The following KANSL1 variants were observed in gnomAD, a reference collection of about 807,000 sequenced individuals.
KANSL1 encodes the protein MLL1/MLL complex subunit KANSL1.
In KANSL1, 22 loss-of-function variants were observed where a neutral mutation model predicts 103.6. That is an observed-to-expected ratio of 0.21 (90% confidence interval 0.15 to 0.30). The LOEUF (loss-of-function observed/expected upper bound fraction) is 0.30, where lower values mean the gene tolerates loss of function less well. Among genes scored for constraint, KANSL1 ranks in the 10% least tolerant of loss-of-function variants. The pLI, the probability that KANSL1 is intolerant of heterozygous loss-of-function variation, is 1.00. For synonymous variants in KANSL1, 600 were observed against 527.6 expected (o/e 1.14, Z -1.88); for missense variants, 1,337 against 1,399.8 (o/e 0.96, Z 0.72).
intron 6 of KANSL1, among the ~76,000 whole-genome samples, chr17:46,064,604 G>C (rs1011041530): frequency 6.6e-6 from 1 of 152,076 alleles, no homozygotes; most frequent in African/African-American, 2.4e-5. Context: ...GATCCTGTCT[G>C]TAACAACTGA....
intron 6 of KANSL1, among the ~76,000 whole-genome samples, chr17:46,054,468 A>T (rs1040802067): frequency 6.6e-6 from 1 of 152,166 alleles, no homozygotes; most frequent in East Asian, 1.9e-4. Flanking sequence ...CTCCTAACTG[A>T]TCCTCCTCCT....
chr17:46,034,386 G>T, intron 10 of KANSL1, 101 bp from the exon 11 acceptor site: 1 of 1,356,962 alleles, frequency 7.4e-7, no homozygotes, highest in Non-Finnish European at 1.0e-6. Flanking sequence ...CAAGCATCTG[G>T]GTCCTTGGGT....
chr17:46,202,587 C>G (rs1361646742), intron 1 of KANSL1, among the ~76,000 whole-genome samples: 2 of 152,108 alleles, frequency 1.3e-5, no homozygotes, highest in African/African-American at 4.8e-5. Context: ...GAAGATAAAA[C>G]CTGAAATCTA....
chr17:46,062,134 A>AAAAAAAAAAAAAAAAAAAAAAAAAC (rs67483415), intron 6 of KANSL1, among the ~76,000 whole-genome samples: 10 of 132,748 alleles, frequency 7.5e-5, no homozygotes, highest in Non-Finnish European at 1.6e-4. Flanking sequence ...AAAAAAAAAA[A>AAAAAAAAAAAAAAAAAAAAAAAAAC]CATGTTACAG....
In KANSL1 at chr17:46,082,422, TTCTA is replaced by T. The variant is rs750447777; in HGVS notation, c.1533+15_1533+18del. 1 of 1,513,290 alleles carries T rather than the reference TTCTA, an allele frequency of 6.6e-7. No individual in the cohort carries two copies. The highest frequency in any genetic ancestry group is 1.4e-5 in the African/African-American group (1 of 73,112). 93.7% of individuals were successfully genotyped at this position (1,513,290 alleles called of 1,614,324 possible). On this transcript the variant is annotated intron_variant, in intron 4 of 14. Transcript: ENST00000432791. ...CCTTAATTCTCACGCATTTCCCCCT[TTCTA>T]TCTTTTATACTTACCAATTTATCAG...
chr17:46,215,518 C>T (rs2668693), intron 1 of KANSL1, among the ~76,000 whole-genome samples: 152,173 of 152,322 alleles, frequency 1, 76,012 homozygotes, highest in Middle Eastern at 1. Context: ...CAGAAGGTCA[C>T]GCAGCCAAAA....
At chr17:46,144,540 C>T (rs1052902796) in intron 2 of KANSL1, among the ~76,000 whole-genome samples, 1 of 152,196 alleles carries the variant, frequency 6.6e-6, no homozygotes, top group Non-Finnish European at 1.5e-5. Context: ...AGGACAAGTT[C>T]TGGTGAAATT....
intron 2 of KANSL1, among the ~76,000 whole-genome samples, chr17:46,097,328 A>C (rs1030189322): frequency 1.3e-5 from 2 of 152,256 alleles, no homozygotes; most frequent in African/African-American, 4.8e-5. Flanking sequence ...ACTATCTAGC[A>C]ATTTATTTAC....
chr17:46,173,402 G>A (rs2046377005), intron 1 of KANSL1, among the ~76,000 whole-genome samples: 1 of 152,156 alleles, frequency 6.6e-6, no homozygotes, highest in Admixed American at 6.5e-5. Context: ...TAATGACACT[G>A]CTTTTATTTA....
intron 6 of KANSL1, among the ~76,000 whole-genome samples, chr17:46,062,355 C>CT (rs34577730): frequency 0.044 from 4,174 of 95,396 alleles, 288 homozygotes; most frequent in African/African-American, 0.11. Flanking sequence ...ATAACAACAG[C>CT]TTTTTTTTTT....
intron 2 of KANSL1, among the ~76,000 whole-genome samples, chr17:46,110,537 A>G (rs1296823618): frequency 6.6e-6 from 1 of 152,246 alleles, no homozygotes; most frequent in Non-Finnish European, 1.5e-5. Flanking sequence ...TCTGGGCCAG[A>G]GTTTTTGTTA....
rs142109171 is a variant in KANSL1, at chr17:46,204,909, A to C, written c.-90+18762T>G. 7.2e-5 allele frequency among the ~76,000 whole-genome samples: 11 copies of C among 152,348 alleles called. No homozygotes were observed. In the East Asian group the frequency reaches 2.1e-3, roughly 29 times the overall value. ...TCCAACATGCTTTCATGATAAAAAC[A>C]CTCAACAAAGTAGAAATTGAAGAAA... On this transcript the variant is annotated intron_variant, in intron 1 of 14. Coordinates refer to the KANSL1 transcript ENST00000572904.
At chr17:46,044,591 C>T (rs2077438594) in intron 7 of KANSL1, 2 of 152,184 alleles carry the variant, frequency 1.3e-5, no homozygotes, top group East Asian at 1.9e-4. Context: ...GGTTATATAT[C>T]CTCTACATTT....
chr17:46,202,698 T>G (rs1424874018), intron 1 of KANSL1, among the ~76,000 whole-genome samples: 1 of 152,246 alleles, frequency 6.6e-6, no homozygotes, highest in Admixed American at 6.5e-5. Context: ...CTTATCTCTG[T>G]AACTCATTTA....
rs574105895 is a variant in KANSL1, at chr17:46,088,267, A to G, written c.1432-5725T>C. ...CAATACAGCTAACAGGCAATTTCAC[A>G]TACTTCCTTACATCACTCTATCAGG... is the stretch of plus-strand genomic sequence containing the variant. On this transcript the variant is annotated intron_variant, in intron 3 of 14. Transcript: ENST00000432791. 2.6e-4 allele frequency among the ~76,000 whole-genome samples: 39 copies of G among 152,302 alleles called. 2 individuals are homozygous for G. The highest frequency in any genetic ancestry group is 1.9e-3 in the Admixed American group (29 of 15,300).
chr17:46,102,792 C>A (rs942393333), intron 2 of KANSL1, among the ~76,000 whole-genome samples: 2 of 152,124 alleles, frequency 1.3e-5, no homozygotes, highest in African/African-American at 4.8e-5. Context: ...GTTAGGGATG[C>A]AAAAACAAGA....
intron 1 of KANSL1, among the ~76,000 whole-genome samples, chr17:46,182,372 G>A (rs890819161): frequency 6.6e-6 from 1 of 152,212 alleles, no homozygotes; most frequent in South Asian, 2.1e-4. Context: ...GATTTGTGAT[G>A]AAGTACTGCA....
intron 2 of KANSL1, among the ~76,000 whole-genome samples, chr17:46,148,488 G>T (rs1037159465): frequency 2.6e-5 from 4 of 152,076 alleles, no homozygotes; most frequent in Non-Finnish European, 5.9e-5. Context: ...TCAGCGCTCT[G>T]AACTAATTAT....
intron 3 of KANSL1, among the ~76,000 whole-genome samples, chr17:46,084,421 T>C (rs574718157): frequency 1.3e-4 from 19 of 151,854 alleles, no homozygotes; most frequent in Non-Finnish European, 1.8e-4. Context: ...AATTGGAGGC[T>C]GGGTGTGGTA....
Sources: gnomAD v4.1 joint callset for allele counts (sites outside exome capture counted in the v4.1 genomes callset) on GRCh38, gnomAD v4.1.1 for gene constraint, MANE v1.5 for transcripts, NCBI Gene and HGNC (gene_info 2026-07-23, HGNC 2026-07-21) for gene names.